WWTR1: variants seen among roughly 807,000 people sequenced by gnomAD.
The protein encoded by WWTR1 is WW domain containing transcription regulator 1, also known as WW domain-containing transcription regulator protein 1.
WWTR1 carries 13 observed loss-of-function variants against 40.1 expected under a neutral mutation model. That is an observed-to-expected ratio of 0.32 (90% CI 0.21 to 0.52). The LOEUF is 0.52. Ranked by LOEUF, WWTR1 falls within the 20% of genes least tolerant of loss-of-function variation. WWTR1 has a pLI of 0.97. For synonymous variants in WWTR1, 230 were observed against 210.1 expected (o/e 1.09, Z -0.82); for missense variants, 436 against 523.1 (o/e 0.83, Z 1.63).
At chr3:149,644,669 A>C (rs1712383790) in intron 2 of WWTR1, among the ~76,000 whole-genome samples, 1 of 152,198 alleles carries the variant, frequency 6.6e-6, no homozygotes, top group South Asian at 2.1e-4. Flanking sequence ...CCCACAATGC[A>C]AAAACAAACT....
intron 6 of WWTR1, among the ~76,000 whole-genome samples, chr3:149,524,327 G>GTTTT (rs3044124): frequency 0.065 from 8,957 of 138,638 alleles, 434 homozygotes; most frequent in Non-Finnish European, 0.087. Flanking sequence ...CTCTTTTATG[G>GTTTT]TTTTTTTTTT....
At chr3:149,523,657 C>G (rs1003384574) in intron 6 of WWTR1, among the ~76,000 whole-genome samples, 1 of 152,306 alleles carries the variant, frequency 6.6e-6, no homozygotes, top group Non-Finnish European at 1.5e-5. Flanking sequence ...GCACCAAGCC[C>G]AGCTGTTGCT....
upstream of WWTR1, chr3:149,658,130 GC>G (rs1331117317): frequency 1.3e-5 from 2 of 153,820 alleles, no homozygotes; most frequent in Non-Finnish European, 2.9e-5. Flanking sequence ...TAGCCGGCCA[GC>G]CCCCGCTCGC....
At chr3:149,570,602 T>TAATAATAAC (rs1201626174) in intron 3 of WWTR1, among the ~76,000 whole-genome samples, 1 of 139,006 alleles carries the variant, frequency 7.2e-6, no homozygotes, top group African/African-American at 2.7e-5. Context: ...ATAATAATAA[T>TAATAATAAC]AACAAAAATT....
At chr3:149,629,141 A>G (rs1481207862) in intron 2 of WWTR1, among the ~76,000 whole-genome samples, 1 of 152,206 alleles carries the variant, frequency 6.6e-6, no homozygotes, top group Non-Finnish European at 1.5e-5. Context: ...TTTTTCTTTA[A>G]TTGTGCAGCA....
At chr3:149,672,966 G>A (rs979550258) in intron 1 of WWTR1, among the ~76,000 whole-genome samples, 1 of 151,744 alleles carries the variant, frequency 6.6e-6, no homozygotes, top group Non-Finnish European at 1.5e-5. Context: ...AACTTTTATT[G>A]TTAACTTTTC....
At chr3:149,634,668 C>T (rs1453409376) in intron 2 of WWTR1, among the ~76,000 whole-genome samples, 2 of 152,220 alleles carry the variant, frequency 1.3e-5, no homozygotes, top group South Asian at 2.1e-4. Context: ...GTGAAAGACC[C>T]TGGATCTGTC....
At chr3:149,579,568 C>T (rs10804738) in intron 2 of WWTR1, among the ~76,000 whole-genome samples, 91,349 of 151,792 alleles carry the variant, frequency 0.6, 28,205 homozygotes, top group East Asian at 0.78. Context: ...TCTTAGCACT[C>T]TGGGAGGCTG....
At chr3:149,564,066 A>G (rs530259415) in intron 3 of WWTR1, among the ~76,000 whole-genome samples, 1 of 152,262 alleles carries the variant, frequency 6.6e-6, no homozygotes, top group Middle Eastern at 3.4e-3. Context: ...AACATACACA[A>G]TTTGATTGTG....
At position 149,679,394 on chromosome 3, in the gene WWTR1, A is replaced by G. The variant is rs566940331; in HGVS notation, c.-107-9503T>C. On this transcript the variant is annotated intron_variant, in intron 1 of 7. Transcript: ENST00000465804. ...AGCATGATATAACAATATGGCAGCC[A>G]ACATATTCACCAATGAATATGTCCT... Among the ~76,000 whole-genome samples the G allele has an allele frequency of 3.9e-4, 60 of 152,354 alleles. 2 individuals are homozygous for G. The South Asian group carries it at 0.012, about 31-fold the overall frequency.
chr3:149,582,468 G>A (rs375555381), intron 2 of WWTR1, among the ~76,000 whole-genome samples: 2 of 151,896 alleles, frequency 1.3e-5, no homozygotes, highest in African/African-American at 2.4e-5. Context: ...GCTCACGCCT[G>A]TAATCCTAGC....
intron 5 of WWTR1, among the ~76,000 whole-genome samples, chr3:149,711,294 C>T (rs1250166616): frequency 6.6e-6 from 1 of 151,616 alleles, no homozygotes; most frequent in Non-Finnish European, 1.5e-5. Context: ...CTTGTCTCTA[C>T]AAAAGTAAAA....
chr3:149,670,140 G>A (rs1376642593), intron 1 of WWTR1, among the ~76,000 whole-genome samples: 1 of 152,234 alleles, frequency 6.6e-6, no homozygotes, highest in East Asian at 1.9e-4. Context: ...ACGGCCTTCA[G>A]TGTGAACAGT....
At chr3:149,554,329 C>T (rs909873624) in intron 3 of WWTR1, among the ~76,000 whole-genome samples, 1 of 152,188 alleles carries the variant, frequency 6.6e-6, no homozygotes, top group Non-Finnish European at 1.5e-5. Flanking sequence ...GGCCTCCGGT[C>T]CTCCAGATGC....
chr3:149,558,478 T>G lies in WWTR1; in HGVS notation c.568+14386A>C, dbSNP rs148720172. On this transcript the variant is annotated intron_variant, in intron 3 of 6. Transcript: ENST00000360632. ...CCAAAAAGCCTTTCCACATATTTCA[T>G]TAGCTTTACAGAACATATTCATTAG... Among the ~76,000 whole-genome samples, 59 of 152,310 alleles carry G rather than the reference T, an allele frequency of 3.9e-4. 1 individual carries two copies. In the East Asian group the frequency reaches 9.6e-3, roughly 25 times the overall value.
At chr3:149,628,238 C>T (rs545057766) in intron 2 of WWTR1, among the ~76,000 whole-genome samples, 73 of 152,096 alleles carry the variant, frequency 4.8e-4, no homozygotes, top group Middle Eastern at 6.8e-3. Flanking sequence ...GGCGTGGTGG[C>T]GGGCGCCTGT....
At chr3:149,647,041 T>TG (rs1465106788) in intron 2 of WWTR1, among the ~76,000 whole-genome samples, 2 of 151,592 alleles carry the variant, frequency 1.3e-5, no homozygotes, top group Admixed American at 6.6e-5. Context: ...TTATACTAAG[T>TG]GAAAAAAAAA....
chr3:149,636,696 A>C (rs189740166), intron 2 of WWTR1, among the ~76,000 whole-genome samples: 2 of 152,302 alleles, frequency 1.3e-5, no homozygotes, highest in Admixed American at 6.5e-5. Context: ...CAGAAAATCT[A>C]AATAATGTAG....
intron 2 of WWTR1, among the ~76,000 whole-genome samples, chr3:149,606,507 C>T (rs1739493646): frequency 1.3e-5 from 2 of 151,934 alleles, no homozygotes; most frequent in Admixed American, 1.3e-4. Context: ...AAAAGATACA[C>T]AAAACTATGG....
Sources: allele counts gnomAD v4.1 joint callset (sites outside exome capture counted in the v4.1 genomes callset), GRCh38; gene constraint gnomAD v4.1.1; transcripts MANE v1.5; gene names NCBI Gene and HGNC (gene_info 2026-07-23, HGNC 2026-07-21).